The following ARCN1 variants were observed in gnomAD, a reference collection of about 807,000 sequenced individuals.
ARCN1 encodes coatomer subunit delta.
In ARCN1, 5 loss-of-function variants were observed where a neutral mutation model predicts 60.4. The observed-to-expected ratio is 0.08, with a 90% CI of 0.04 to 0.17. The LOEUF (loss-of-function observed/expected upper bound fraction) is 0.17. ARCN1 is among the 10% of genes least tolerant of loss of function. The pLI, the probability that ARCN1 is intolerant of heterozygous loss-of-function variation, is 1.00. For missense variants in ARCN1, 464 were observed against 626.5 expected (o/e 0.74, Z 2.77); for synonymous variants, 224 against 220.0 (o/e 1.02, Z -0.16).
Position 118,593,709 on chromosome 11 carries a change from T to C in ARCN1, c.1241+11T>C, listed in dbSNP as rs1565365273. ...CACCATCCCACTCCCGTAAGTGCTGTCCCTGTGTCCTCTACGGTGGACTTA... is the reference window on the plus strand; with the variant it reads ...CACCATCCCACTCCCGTAAGTGCTGCCCCTGTGTCCTCTACGGTGGACTTA... On this transcript the variant is annotated intron_variant, in intron 8 of 9. Coordinates refer to ENST00000264028, the MANE Select transcript of ARCN1 (RefSeq NM_001655.5). The C allele has an allele frequency of 1.3e-6, 2 of 1,573,084 alleles. No individual in the cohort carries two copies.
rs1012958741 is a variant in ARCN1 at position 118,572,465 on chromosome 11, G to A, written c.-83G>A. 2 of 1,496,156 alleles carry A rather than the reference G, an allele frequency of 1.3e-6. No homozygotes were observed. Among genetic ancestry groups the A allele is most frequent in the East Asian group, 2.4e-5 (1 of 41,034 alleles). The allele number at this position is 1,496,156 out of a possible 1,614,324, so 92.7% of individuals were successfully genotyped here. A position where few individuals can be genotyped will look rare whatever the true frequency, so the allele number is the denominator to read the frequency against. Reference sequence around the variant, plus strand: ...CTGTCAAGGGGGCAGCAGGTCCAGAGCTGCTGGTGCTCCCGTTCCCCAGAC... The same window carrying A: ...CTGTCAAGGGGGCAGCAGGTCCAGAACTGCTGGTGCTCCCGTTCCCCAGAC... On this transcript the variant is annotated 5_prime_UTR_variant, in exon 1 of 10. Coordinates refer to ENST00000264028, the MANE Select transcript of ARCN1 (RefSeq NM_001655.5).
At chr11:118,579,437 C>T (rs1938599738) in intron 1 of ARCN1, among the ~76,000 whole-genome samples, 1 of 151,276 alleles carries the variant, frequency 6.6e-6, no homozygotes, top group Non-Finnish European at 1.5e-5. Context: ...TTTGGGAGGC[C>T]GAGGTGGGCA....
At position 118,600,757 on chromosome 11, in the gene ARCN1, A is replaced by G; in HGVS notation, c.*43A>G. The G allele has an allele frequency of 7.3e-7, 1 of 1,368,500 alleles. No homozygotes were observed. The highest frequency in any genetic ancestry group is 1.0e-6 in the Non-Finnish European group (1 of 976,808). The allele number at this position is 1,368,500 out of a possible 1,614,324, so 84.8% of individuals were successfully genotyped here. ...TGAAAAGGAAAATTTTCAGATTAATAAAGAAGACGCCAATGATGGCTGAAG... is the reference window on the plus strand; with the variant it reads ...TGAAAAGGAAAATTTTCAGATTAATGAAGAAGACGCCAATGATGGCTGAAG... On this transcript the variant is annotated 3_prime_UTR_variant, in exon 10 of 10. Coordinates refer to ENST00000264028, the MANE Select transcript of ARCN1 (RefSeq NM_001655.5).
intron 5 of ARCN1, among the ~76,000 whole-genome samples, chr11:118,588,757 C>T (rs1938830511): frequency 6.6e-6 from 1 of 151,620 alleles, no homozygotes. Flanking sequence ...GTGGCTCACG[C>T]CTGTAATCCC....
rs201373950 is a variant in ARCN1 at position 118,592,506 on chromosome 11, T to TA, written c.985-197dup. Among the ~76,000 whole-genome samples, 8 of 152,112 alleles carry TA rather than the reference T, an allele frequency of 5.3e-5. No individual in the cohort carries two copies. In the East Asian group the frequency reaches 1.2e-3, roughly 22 times the overall value. On this transcript the variant is annotated intron_variant, in intron 6 of 9. Transcript: ENST00000264028. ...TTAGAGTTGAAATTAGCTTTTTTTT[T>TA]AAAAAATTACTAGTTTTTAAGTATC...
At chr11:118,586,257 G>A (rs1555075480) in intron 5 of ARCN1, among the ~76,000 whole-genome samples, 4 of 151,946 alleles carry the variant, frequency 2.6e-5, no homozygotes, top group Non-Finnish European at 4.4e-5. Flanking sequence ...CATCACACCC[G>A]GCTAATTTTC....
At chr11:118,595,119 G>A (rs1938998547) in intron 8 of ARCN1, among the ~76,000 whole-genome samples, 2 of 152,240 alleles carry the variant, frequency 1.3e-5, no homozygotes, top group Admixed American at 6.5e-5. Flanking sequence ...CCAAAGTGCT[G>A]GGATTACAGG....
chr11:118,572,909 C>T (rs782116649), intron 1 of ARCN1: 1 of 295,266 alleles, frequency 3.4e-6, no homozygotes, highest in Non-Finnish European at 6.3e-6. Context: ...CCCGCCGGTT[C>T]CCTGGCGCTT....
intron 1 of ARCN1, among the ~76,000 whole-genome samples, chr11:118,576,985 G>T (rs782221932): frequency 3.3e-5 from 5 of 152,142 alleles, no homozygotes; most frequent in Non-Finnish European, 5.9e-5. Context: ...GGGAGTTTGA[G>T]ACCAGCCTGG....
intron 1 of ARCN1, among the ~76,000 whole-genome samples, chr11:118,578,964 A>G (rs1378650377): frequency 7.3e-6 from 1 of 136,886 alleles, no homozygotes; most frequent in Non-Finnish European, 1.5e-5. Context: ...CATGAGATGC[A>G]TGTTTATTAT....
At chr11:118,598,175 A>G (rs1041720879) in intron 9 of ARCN1, among the ~76,000 whole-genome samples, 2 of 152,108 alleles carry the variant, frequency 1.3e-5, no homozygotes, top group African/African-American at 4.8e-5. Flanking sequence ...GGATTATGCA[A>G]GATTCATAAA....
At chr11:118,574,563 AT>A (rs1360593437) in intron 1 of ARCN1, among the ~76,000 whole-genome samples, 1 of 152,120 alleles carries the variant, frequency 6.6e-6, no homozygotes, top group African/African-American at 2.4e-5. Context: ...AAAAATATAC[AT>A]TTCAAAGTAA....
chr11:118,572,754 G>C, intron 1 of ARCN1: 1 of 529,274 alleles, frequency 1.9e-6, no homozygotes. Context: ...ATCTGTCGTC[G>C]TGCCCGCTTC....
At chr11:118,575,242 T>C (rs1407918360) in intron 1 of ARCN1, among the ~76,000 whole-genome samples, 2 of 152,190 alleles carry the variant, frequency 1.3e-5, no homozygotes, top group East Asian at 3.8e-4. Context: ...CCTCCCAAAG[T>C]GCTGGGATTA....
chr11:118,588,539 G>A (rs1243100398), intron 5 of ARCN1, among the ~76,000 whole-genome samples: 8 of 152,146 alleles, frequency 5.3e-5, no homozygotes, highest in African/African-American at 9.7e-5. Flanking sequence ...TTGACAGATC[G>A]GATACAATTA....
chr11:118,593,349 T>G (rs1262292463), intron 7 of ARCN1, among the ~76,000 whole-genome samples: 1 of 151,352 alleles, frequency 6.6e-6, no homozygotes, highest in Non-Finnish European at 1.5e-5. Flanking sequence ...CACCTCAGCC[T>G]CCTGAGTAGC....
chr11:118,572,581 G>T (rs914565768), intron 1 of ARCN1, 31 bp downstream of exon 1: 1 of 1,601,272 alleles, frequency 6.2e-7, no homozygotes, highest in Admixed American at 1.7e-5. Flanking sequence ...CGAACTCCTG[G>T]GGTCCGAGCC....
At chr11:118,576,205 G>C (rs117075721) in intron 1 of ARCN1, among the ~76,000 whole-genome samples, 275 of 152,000 alleles carry the variant, frequency 1.8e-3, no homozygotes, top group Middle Eastern at 3.4e-3. Context: ...TTAAGTCTGT[G>C]TAGGAGAGAG....
intron 2 of ARCN1, 96 bp downstream of exon 2, chr11:118,581,605 C>A: frequency 1.5e-6 from 2 of 1,329,782 alleles, no homozygotes; most frequent in Non-Finnish European, 2.1e-6. Flanking sequence ...AACCAGTTTG[C>A]AGGTTCCTAC....
Sources: gnomAD v4.1 joint callset for allele counts (sites outside exome capture counted in the v4.1 genomes callset) on GRCh38, gnomAD v4.1.1 for gene constraint, MANE v1.5 for transcripts, NCBI Gene and HGNC (gene_info 2026-07-23, HGNC 2026-07-21) for gene names.